Variants in QPRT observed in about 807,000 individuals in gnomAD.
The protein encoded by QPRT is quinolinate phosphoribosyltransferase.
In QPRT, 17 loss-of-function variants were observed where a neutral mutation model predicts 19.8. The ratio of observed to expected loss-of-function variants is 0.86; its 90% confidence interval spans 0.59 to 1.29. QPRT has a LOEUF of 1.29. QPRT is among the 50% of genes most tolerant of loss of function. The pLI, the probability that QPRT is intolerant of heterozygous loss-of-function variation, is 0.00. For synonymous variants in QPRT, 178 were observed against 191.0 expected (o/e 0.93, Z 0.56); for missense variants, 336 against 405.1 (o/e 0.83, Z 1.46).
chr16:29,680,940 C>CA (rs1019552293), intron 1 of QPRT, among the ~76,000 whole-genome samples: 24 of 150,264 alleles, frequency 1.6e-4, no homozygotes, highest in South Asian at 6.3e-4. Context: ...GACTCCATCT[C>CA]AAAAAAAAAG....
intron 1 of QPRT, among the ~76,000 whole-genome samples, chr16:29,691,364 C>CAAAAAAA (rs537664108): frequency 1.7e-4 from 9 of 51,880 alleles, no homozygotes; most frequent in East Asian, 8.7e-4. Context: ...AGCTCTGCAT[C>CAAAAAAA]AAAAAAAAAA....
At chr16:29,679,138 G>A (rs765332740), upstream of QPRT, 106 of 1,613,544 alleles carry the variant, frequency 6.6e-5, no homozygotes, top group Non-Finnish European at 8.7e-5. Flanking sequence ...CCAGCCTGGG[G>A]CCTCTGGGAG....
At chr16:29,691,691 G>T (rs1967340112) in intron 1 of QPRT, among the ~76,000 whole-genome samples, 1 of 152,244 alleles carries the variant, frequency 6.6e-6, no homozygotes, top group African/African-American at 2.4e-5. Context: ...GGGGGATTAG[G>T]CTCTCCTCCC....
chr16:29,691,289 C>T (rs968825084), intron 1 of QPRT, among the ~76,000 whole-genome samples: 2 of 142,642 alleles, frequency 1.4e-5, no homozygotes, highest in Non-Finnish European at 3.0e-5. Flanking sequence ...CCCTGGAACC[C>T]GCGGGACGGA....
intron 1 of QPRT, among the ~76,000 whole-genome samples, chr16:29,694,449 G>T (rs1395800238): frequency 6.6e-6 from 1 of 151,948 alleles, no homozygotes; most frequent in African/African-American, 2.4e-5. Context: ...GGTGCCCAGT[G>T]ATCTCATCAA....
chr16:29,691,103 G>A (rs1480102930), intron 1 of QPRT, among the ~76,000 whole-genome samples: 2 of 150,864 alleles, frequency 1.3e-5, no homozygotes, highest in African/African-American at 2.4e-5. Flanking sequence ...GGTGGCTCAC[G>A]CCTGTAATCC....
intron 1 of QPRT, among the ~76,000 whole-genome samples, chr16:29,680,197 C>G (rs1320388408): frequency 1.3e-5 from 2 of 152,018 alleles, no homozygotes; most frequent in African/African-American, 4.8e-5. Flanking sequence ...ACCTCGTGAT[C>G]CGCCCGTCTC....
Position 29,697,159 on chromosome 16 carries a change from T to C in QPRT, c.681+32T>C, listed in dbSNP as rs377712509. On this transcript the variant is annotated intron_variant, in intron 3 of 3. Transcript: ENST00000395384. The surrounding 1 kb of genome is among the most constrained non-coding windows in gnomAD (Gnocchi z 4.4). ...TGGGCTCTGCCTCCGGGGAGGGATC[T>C]GTGGTGGGCTCTTACCTCCCCTTGG... 2 of 1,597,872 alleles carry C rather than the reference T, an allele frequency of 1.3e-6. No homozygotes were observed. Among genetic ancestry groups the C allele is most frequent in the Admixed American group, 1.7e-5 (1 of 59,234 alleles).
chr16:29,685,803 C>G (rs1967143230), intron 1 of QPRT, among the ~76,000 whole-genome samples: 1 of 151,976 alleles, frequency 6.6e-6, no homozygotes, highest in African/African-American at 2.4e-5. Context: ...AGTTCAAGAC[C>G]AGCCTGGGCA....
At chr16:29,683,266 A>T (rs1283265579) in intron 1 of QPRT, among the ~76,000 whole-genome samples, 1 of 150,914 alleles carries the variant, frequency 6.6e-6, no homozygotes, top group South Asian at 2.1e-4. Flanking sequence ...ACCTAAGGTG[A>T]TCTTAGGCCC....
chr16:29,684,121 CTTA>C (rs1175774428), intron 1 of QPRT, among the ~76,000 whole-genome samples: 1 of 151,980 alleles, frequency 6.6e-6, no homozygotes, highest in Non-Finnish European at 1.5e-5. Context: ...GGTTCTTTAT[CTTA>C]TTATTTTATT....
At chr16:29,683,277 A>G (rs556902838) in intron 1 of QPRT, among the ~76,000 whole-genome samples, 5 of 149,478 alleles carry the variant, frequency 3.3e-5, no homozygotes, top group Non-Finnish European at 7.4e-5. Flanking sequence ...TCTTAGGCCC[A>G]CCTTGGCCTC....
At chr16:29,683,353 G>C (rs1042608498) in intron 1 of QPRT, among the ~76,000 whole-genome samples, 1 of 151,390 alleles carries the variant, frequency 6.6e-6, no homozygotes, top group Non-Finnish European at 1.5e-5. Context: ...TGAGAGCATT[G>C]GTTCTTTTTT....
chr16:29,696,938 G>A (rs1967554345), intron 2 of QPRT, 58 bp from the exon 3 acceptor site: 21 of 1,513,522 alleles, frequency 1.4e-5, no homozygotes, highest in South Asian at 1.0e-4. Context: ...GGCTCCCTGC[G>A]CCCCAGTGCC....
At chr16:29,684,207 A>C (rs1596787237) in intron 1 of QPRT, among the ~76,000 whole-genome samples, 1 of 151,328 alleles carries the variant, frequency 6.6e-6, no homozygotes, top group Admixed American at 6.6e-5. Flanking sequence ...GCAGCCTCCA[A>C]CTCCTGGACT....
At chr16:29,679,409 C>G (rs1369343257) in intron 1 of QPRT, among the ~76,000 whole-genome samples, 199 bp downstream of exon 1, 1 of 152,122 alleles carries the variant, frequency 6.6e-6, no homozygotes, top group Non-Finnish European at 1.5e-5. Flanking sequence ...TCTTCTTTCT[C>G]CTGTGTTGAG....
rs551562862 is a variant in QPRT, at chr16:29,694,925, G to C, written c.275G>C (p.Gly92Ala). The change falls in exon 2 of 4, where the codon GGC becomes GCC. Residue 92 changes from glycine (G) to alanine (A), a missense_variant. By Grantham distance (60) the Gly-to-Ala change is moderately conservative. Transcript: ENST00000395384. The stretch of plus-strand genomic sequence containing the variant: ...GTGGCCAGAGTGGCCGAGGTCCGGG[G>C]CCCTGCCCACTGCCTGCTGCTGGGG... ...VPVARVAEVR[G>A]PAHCLLLGER... 3 of 1,613,272 alleles carry C rather than the reference G, an allele frequency of 1.9e-6. No homozygotes were observed. The South Asian group carries it at 3.3e-5, about 18-fold the overall frequency.
intron 1 of QPRT, among the ~76,000 whole-genome samples, chr16:29,686,178 G>T (rs1321077016): frequency 6.6e-6 from 1 of 152,080 alleles, no homozygotes; most frequent in Non-Finnish European, 1.5e-5. Flanking sequence ...GAAATTTTAT[G>T]ATGGCTTCTG....
intron 1 of QPRT, among the ~76,000 whole-genome samples, chr16:29,688,665 A>T (rs1361139336): frequency 1.4e-5 from 2 of 145,448 alleles, no homozygotes; most frequent in Non-Finnish European, 3.0e-5. Context: ...GATTACAGGC[A>T]CATGCCACCA....
Sources: gnomAD v4.1 joint callset for allele counts (sites outside exome capture counted in the v4.1 genomes callset) on GRCh38, gnomAD v4.1.1 for gene constraint, Gnocchi (gnomAD v3.1) non-coding constraint, MANE v1.5 for transcripts, NCBI Gene and HGNC (gene_info 2026-07-23, HGNC 2026-07-21) for gene names.